IL1RAPL1: variants seen among roughly 807,000 people sequenced by gnomAD.
IL1RAPL1 encodes interleukin 1 receptor accessory protein like 1.
IL1RAPL1 carries 3 observed loss-of-function variants against 48.4 expected under a neutral mutation model. The ratio of observed to expected loss-of-function variants is 0.06; its 90% CI spans 0.03 to 0.16. IL1RAPL1 has a LOEUF of 0.16. IL1RAPL1 is among the 10% of genes least tolerant of loss of function. The pLI is 1.00. For synonymous variants in IL1RAPL1, 185 were observed against 187.7 expected, an observed-to-expected ratio of 0.99 and a Z score of 0.12; for missense variants, 349 against 530.6, an observed-to-expected ratio of 0.66 and a Z score of 3.36.
intron 2 of IL1RAPL1, among the ~76,000 whole-genome samples, chrX:28,901,921 A>G (rs1319911262): frequency 9.0e-6 from 1 of 111,568 alleles, no homozygotes; most frequent in Non-Finnish European, 1.9e-5. Flanking sequence ...TAGTTTATAT[A>G]TAACCCAGAA....
In IL1RAPL1 at chrX:28,978,039, A is replaced by G. The variant is rs190026216; in HGVS notation, c.82+188614A>G. ...ACATTTGAGGGGAACAAAGAAATGG[A>G]GCTGAAACTGTAAGTGGGAAATACG... On this transcript the variant is annotated intron_variant, in intron 2 of 10. Transcript: ENST00000378993. Among the ~76,000 whole-genome samples the G allele has an allele frequency of 3.5e-3, 394 of 112,482 alleles. 2 individuals are homozygous for G. The highest frequency in any genetic ancestry group is 0.012 in the African/African-American group (378 of 30,993).
At chrX:29,247,576 GAGTTCA>G (rs1476518643) in intron 2 of IL1RAPL1, among the ~76,000 whole-genome samples, 2 of 111,259 alleles carry the variant, frequency 1.8e-5, no homozygotes, top group Non-Finnish European at 1.9e-5. Flanking sequence ...ATGAGGTCAG[GAGTTCA>G]AGACCAGCCT....
chrX:28,801,854 T>A (rs1415732252), intron 2 of IL1RAPL1, among the ~76,000 whole-genome samples: 3 of 112,218 alleles, frequency 2.7e-5, no homozygotes, highest in African/African-American at 9.7e-5. Context: ...TCCTTTTTCA[T>A]AAAGTTTTGC....
intron 2 of IL1RAPL1, among the ~76,000 whole-genome samples, chrX:28,837,944 A>G (rs1448825060): frequency 3.7e-5 from 4 of 109,129 alleles, no homozygotes; most frequent in Non-Finnish European, 7.6e-5. Context: ...TTCTCCCCAT[A>G]CTGTGACTTC....
chrX:29,713,170 C>T (rs1313186847), intron 6 of IL1RAPL1, among the ~76,000 whole-genome samples: 1 of 111,143 alleles, frequency 9.0e-6, no homozygotes, highest in Non-Finnish European at 1.9e-5. Flanking sequence ...ATCACTGATC[C>T]TTAATGGTAT....
intron 6 of IL1RAPL1, among the ~76,000 whole-genome samples, chrX:29,852,466 T>C (rs1041107283): frequency 1.8e-5 from 2 of 112,164 alleles, no homozygotes; most frequent in African/African-American, 6.5e-5. Flanking sequence ...TTGCCTTTCA[T>C]CTAACTTTGA....
At chrX:28,805,767 T>G (rs1209865923) in intron 2 of IL1RAPL1, among the ~76,000 whole-genome samples, 1 of 111,098 alleles carries the variant, frequency 9.0e-6, no homozygotes, top group African/African-American at 3.3e-5. Flanking sequence ...ATCGCTGCAT[T>G]TTAAAAATAT....
intron 2 of IL1RAPL1, among the ~76,000 whole-genome samples, chrX:28,897,668 C>T (rs939111339): frequency 8.9e-6 from 1 of 111,999 alleles, no homozygotes; most frequent in African/African-American, 3.2e-5. Flanking sequence ...GGATTGATCT[C>T]CCAAGGGAGT....
At chrX:29,059,926 G>A (rs2147432267) in intron 2 of IL1RAPL1, among the ~76,000 whole-genome samples, 1 of 111,673 alleles carries the variant, frequency 9.0e-6, no homozygotes, top group Admixed American at 9.5e-5. Flanking sequence ...AGTATCAGAT[G>A]TCTCTGTTCT....
At chrX:29,492,172 A>G (rs1203478854) in intron 5 of IL1RAPL1, among the ~76,000 whole-genome samples, 1 of 112,517 alleles carries the variant, frequency 8.9e-6, no homozygotes, top group Non-Finnish European at 1.9e-5. Context: ...TGTAAGCATA[A>G]GTGAAATCTT....
At chrX:29,088,270 A>C (rs889974913) in intron 2 of IL1RAPL1, among the ~76,000 whole-genome samples, 5 of 112,235 alleles carry the variant, frequency 4.5e-5, no homozygotes, top group Non-Finnish European at 9.4e-5. Flanking sequence ...TTATGTAGTT[A>C]ATGTTCCATC....
intron 2 of IL1RAPL1, among the ~76,000 whole-genome samples, chrX:28,879,346 G>C (rs1026113122): frequency 9.0e-6 from 1 of 111,335 alleles, no homozygotes; most frequent in African/African-American, 3.3e-5. Flanking sequence ...TGTAAAGGAA[G>C]AGGAATGCAA....
intron 1 of IL1RAPL1, among the ~76,000 whole-genome samples, chrX:28,766,146 G>T (rs1196869040): frequency 9.0e-6 from 1 of 111,411 alleles, no homozygotes. Flanking sequence ...CTTTTTCATA[G>T]ATAGTAACCA....
At chrX:29,749,743 A>C (rs1928416170) in intron 6 of IL1RAPL1, among the ~76,000 whole-genome samples, 1 of 112,335 alleles carries the variant, frequency 8.9e-6, no homozygotes, top group Non-Finnish European at 1.9e-5. Context: ...CGTGTTTAAC[A>C]GAAAACATCA....
At position 29,319,364 on chromosome X, in the gene IL1RAPL1, A is replaced by ATTTTTT. The variant is rs762918998; in HGVS notation, c.362+36162_362+36167dup. Among the ~76,000 whole-genome samples the ATTTTTT allele has an allele frequency of 1.2e-3, 69 of 58,141 alleles. 14 individuals carry two copies. The highest frequency in any genetic ancestry group is 3.3e-3 in the African/African-American group (45 of 13,674). 50.5% of individuals were successfully genotyped at this position (58,141 alleles called of 115,157 possible). A position where few individuals can be genotyped will look rare whatever the true frequency, so the allele number is the denominator to read the frequency against. The stretch of plus-strand genomic sequence containing the variant: ...ACCCCACTGCATGTAGATAAATTTA[A>ATTTTTT]TTTTTTTTTTTTTTTTTTTTGTAGA... On this transcript the variant is annotated intron_variant, in intron 3 of 10. Transcript: ENST00000378993.
rs754103246 is a variant in IL1RAPL1 at position 29,743,103 on chromosome X, T to C, written c.778+74599T>C. On this transcript the variant is annotated intron_variant, in intron 6 of 10. Transcript: ENST00000378993. ...TGTAATATGACAGTATTGAAGTTAA[T>C]ATAAACTAATATGATATAATGTGTT... 2.1e-4 allele frequency among the ~76,000 whole-genome samples: 23 copies of C among 109,141 alleles called. No individual in the cohort carries two copies. The South Asian group carries it at 6.8e-3, about 32-fold the overall frequency. The allele number at this position is 109,141 out of a possible 115,157, so 94.8% of individuals were successfully genotyped here.
intron 2 of IL1RAPL1, among the ~76,000 whole-genome samples, chrX:29,203,722 A>AATATATATATATATAT (rs56950481): frequency 4.2e-4 from 33 of 78,410 alleles, no homozygotes; most frequent in African/African-American, 1.2e-3. Context: ...TCCGTCTCAA[A>AATATATATATATATAT]ATATATATAT....
At chrX:29,244,905 C>G (rs1038087728) in intron 2 of IL1RAPL1, among the ~76,000 whole-genome samples, 1 of 110,702 alleles carries the variant, frequency 9.0e-6, no homozygotes, top group Non-Finnish European at 1.9e-5. Context: ...AGGTATTTCT[C>G]TTAATGCTAT....
At position 29,774,525 on chromosome X, in the gene IL1RAPL1, G is replaced by A. The variant is rs757730289; in HGVS notation, c.778+106021G>A. On this transcript the variant is annotated intron_variant, in intron 6 of 10. Coordinates refer to ENST00000378993, the MANE Select transcript of IL1RAPL1 (RefSeq NM_014271.4). ...CGAATATCATGTTAACGTATCAATT[G>A]CCCTACTTCTACCTTTCCCTAGTTC... 6.4e-4 allele frequency among the ~76,000 whole-genome samples: 72 copies of A among 112,068 alleles called. No individual in the cohort carries two copies. The Middle Eastern group carries it at 0.019, about 29-fold the overall frequency.
Sources: allele counts gnomAD v4.1 joint callset (sites outside exome capture counted in the v4.1 genomes callset), GRCh38; gene constraint gnomAD v4.1.1; transcripts MANE v1.5; gene names NCBI Gene and HGNC (gene_info 2026-07-23, HGNC 2026-07-21).